FILIP1L: variants seen among roughly 807,000 people sequenced by gnomAD.
FILIP1L encodes filamin A interacting protein 1 like, also known as filamin A-interacting protein 1-like.
A neutral mutation model predicts 96.6 loss-of-function variants in FILIP1L; 55 were observed. That is an observed-to-expected ratio of 0.57 (90% CI 0.46 to 0.71). FILIP1L has a LOEUF of 0.71. Among genes scored for constraint, FILIP1L ranks in the 30% least tolerant of loss-of-function variants. FILIP1L has a pLI of 0.00. For synonymous variants in FILIP1L, 467 were observed against 473.9 expected (o/e 0.99, Z 0.19); for missense variants, 1,304 against 1,321.2 (o/e 0.99, Z 0.20).
chr3:99,923,455 G>A (rs1345234500), intron 4 of FILIP1L, among the ~76,000 whole-genome samples: 1 of 152,092 alleles, frequency 6.6e-6, no homozygotes, highest in Non-Finnish European at 1.5e-5. Context: ...TATTTCATAT[G>A]TTCCTGAATA....
chr3:99,955,202 A>G (rs1331536716), intron 1 of FILIP1L, among the ~76,000 whole-genome samples: 3 of 152,226 alleles, frequency 2.0e-5, no homozygotes, highest in African/African-American at 7.2e-5. Context: ...CCTGCAGGTC[A>G]GAACTCAAGT....
At chr3:99,935,384 A>G (rs1707631594) in intron 1 of FILIP1L, among the ~76,000 whole-genome samples, 1 of 152,260 alleles carries the variant, frequency 6.6e-6, no homozygotes, top group African/African-American at 2.4e-5. Flanking sequence ...CTTAGTTGTC[A>G]GTTTAACACA....
chr3:100,069,035 G>A (rs1351175215), intron 1 of FILIP1L, among the ~76,000 whole-genome samples: 2 of 152,148 alleles, frequency 1.3e-5, no homozygotes, highest in African/African-American at 4.8e-5. Flanking sequence ...GTACCCACGT[G>A]ATTTGGGCAC....
At chr3:99,888,491 C>T (rs1207159325) in intron 4 of FILIP1L, among the ~76,000 whole-genome samples, 1 of 152,116 alleles carries the variant, frequency 6.6e-6, no homozygotes, top group Non-Finnish European at 1.5e-5. Flanking sequence ...CAGGCTACAA[C>T]AAACAAAACA....
At chr3:99,883,270 A>G (rs1232306219) in intron 4 of FILIP1L, among the ~76,000 whole-genome samples, 2 of 152,200 alleles carry the variant, frequency 1.3e-5, no homozygotes, top group Admixed American at 1.3e-4. Flanking sequence ...GGCTGCTTCT[A>G]ACTTCCACTC....
chr3:99,924,204 A>G, intron 4 of FILIP1L, 26 bp downstream of exon 4: 1 of 1,602,756 alleles, frequency 6.2e-7, no homozygotes, highest in Non-Finnish European at 8.5e-7. Context: ...GCAGAATGGG[A>G]CATTGTTTGC....
intron 1 of FILIP1L, among the ~76,000 whole-genome samples, chr3:100,042,540 A>G (rs894687459): frequency 1.3e-5 from 2 of 152,152 alleles, no homozygotes; most frequent in Admixed American, 6.5e-5. Context: ...TACCAAGTGT[A>G]TTTTATTTTA....
chr3:100,079,585 T>C (rs538256091), intron 1 of FILIP1L, among the ~76,000 whole-genome samples: 4 of 152,370 alleles, frequency 2.6e-5, no homozygotes, highest in Non-Finnish European at 5.9e-5. Context: ...AGTGTCACTT[T>C]TGATTATTAA....
chr3:100,091,201 C>G (rs1174268001), intron 1 of FILIP1L, among the ~76,000 whole-genome samples: 1 of 150,148 alleles, frequency 6.7e-6, no homozygotes, highest in African/African-American at 2.5e-5. Context: ...AGGAGAATGG[C>G]GTGAACCTGG....
At chr3:99,979,935 T>C (rs1231615320) in intron 1 of FILIP1L, among the ~76,000 whole-genome samples, 1 of 152,116 alleles carries the variant, frequency 6.6e-6, no homozygotes, top group Non-Finnish European at 1.5e-5. Flanking sequence ...GAGAACTAAT[T>C]TGTGGTTAAG....
chr3:99,892,880 CTAAGT>C (rs1553693755), intron 4 of FILIP1L, among the ~76,000 whole-genome samples: 1 of 152,150 alleles, frequency 6.6e-6, no homozygotes, highest in Non-Finnish European at 1.5e-5. Context: ...ATGGATTATT[CTAAGT>C]TATCTTTTAC....
At chr3:100,001,809 A>C (rs974431682) in intron 1 of FILIP1L, among the ~76,000 whole-genome samples, 1 of 152,212 alleles carries the variant, frequency 6.6e-6, no homozygotes, top group African/African-American at 2.4e-5. Context: ...CATTTGGCTG[A>C]ATAATTAAAG....
At chr3:99,858,352 C>A (rs893954119) in intron 4 of FILIP1L, among the ~76,000 whole-genome samples, 2 of 152,010 alleles carry the variant, frequency 1.3e-5, no homozygotes, top group Admixed American at 1.3e-4. Flanking sequence ...GTGGTCCCAG[C>A]TACTTGGGAG....
At chr3:99,846,369 A>G (rs1943365647) in intron 5 of FILIP1L, among the ~76,000 whole-genome samples, 1 of 152,218 alleles carries the variant, frequency 6.6e-6, no homozygotes, top group African/African-American at 2.4e-5. Flanking sequence ...GCCTTCCAAA[A>G]TATTACATGT....
At chr3:99,911,844 TAGTTCCA>T (rs1032557759) in intron 4 of FILIP1L, among the ~76,000 whole-genome samples, 1 of 152,176 alleles carries the variant, frequency 6.6e-6, no homozygotes, top group Admixed American at 6.5e-5. Context: ...TCCTAGTTCC[TAGTTCCA>T]AGCATAGTGT....
chr3:100,010,194 A>G (rs1315978056), intron 1 of FILIP1L: 1 of 893,588 alleles, frequency 1.1e-6, no homozygotes, highest in Non-Finnish European at 1.3e-6. Flanking sequence ...AAGTATTGCT[A>G]TTTTTATCAA....
chr3:99,909,053 G>A (rs139315911), intron 4 of FILIP1L, among the ~76,000 whole-genome samples: 168 of 152,272 alleles, frequency 1.1e-3, no homozygotes, highest in Middle Eastern at 3.4e-3. Context: ...TGTGTGCACA[G>A]GCCATCAAAG....
At chr3:100,025,043 A>G (rs1005522226) in intron 1 of FILIP1L, among the ~76,000 whole-genome samples, 2 of 152,190 alleles carry the variant, frequency 1.3e-5, no homozygotes, top group Non-Finnish European at 2.9e-5. Context: ...TGTGTTACTA[A>G]TTAACACGCA....
At chr3:100,018,873 T>TA (rs1228406972) in intron 1 of FILIP1L, among the ~76,000 whole-genome samples, 1 of 151,914 alleles carries the variant, frequency 6.6e-6, no homozygotes, top group Non-Finnish European at 1.5e-5. Context: ...ATAAGCTCAT[T>TA]AAAAAATTGT....
Sources: gnomAD v4.1 joint callset for allele counts (sites outside exome capture counted in the v4.1 genomes callset) on GRCh38, gnomAD v4.1.1 for gene constraint, MANE v1.5 for transcripts, NCBI Gene and HGNC (gene_info 2026-07-23, HGNC 2026-07-21) for gene names.